Variants in SHB observed in about 807,000 individuals in gnomAD.
SHB encodes SH2 domain containing adaptor protein B, also known as SH2 domain-containing adapter protein B.
SHB carries 20 observed loss-of-function variants against 52.3 expected under a neutral mutation model. The ratio of observed to expected loss-of-function variants is 0.38; its 90% CI spans 0.27 to 0.56. The LOEUF (loss-of-function observed/expected upper bound fraction) is 0.56. Among genes scored for constraint, SHB ranks in the 20% least tolerant of loss-of-function variants. The pLI is 0.71. For synonymous variants in SHB, 397 were observed against 316.5 expected (o/e 1.25, Z -2.70); for missense variants, 825 against 723.3 (o/e 1.14, Z -1.61).
At chr9:38,043,535 A>G (rs1449167490) in intron 1 of SHB, among the ~76,000 whole-genome samples, 1 of 152,192 alleles carries the variant, frequency 6.6e-6, no homozygotes, top group African/African-American at 2.4e-5. Flanking sequence ...GTCTGGGAAC[A>G]TGGAGCTGGA....
At chr9:37,937,869 A>G (rs1367462965) in intron 5 of SHB, among the ~76,000 whole-genome samples, 1 of 152,158 alleles carries the variant, frequency 6.6e-6, no homozygotes, top group Non-Finnish European at 1.5e-5. Flanking sequence ...AGAGGACCTC[A>G]GGAAGGTCCT....
chr9:37,934,280 G>A (rs1832344522), intron 5 of SHB, among the ~76,000 whole-genome samples: 1 of 152,144 alleles, frequency 6.6e-6, no homozygotes, highest in African/African-American at 2.4e-5. Flanking sequence ...CACCCTAAAA[G>A]GTGCATGGGG....
chr9:37,994,844 A>G (rs1392450036), intron 2 of SHB, among the ~76,000 whole-genome samples: 1 of 152,164 alleles, frequency 6.6e-6, no homozygotes. Flanking sequence ...CTGCCCTTCA[A>G]TAGCATAAAC....
intron 1 of SHB, among the ~76,000 whole-genome samples, chr9:38,044,505 C>T (rs1265114321): frequency 6.6e-6 from 1 of 152,204 alleles, no homozygotes; most frequent in Non-Finnish European, 1.5e-5. Context: ...AAGTCCCCAG[C>T]TAAAAGCTCT....
intron 3 of SHB, among the ~76,000 whole-genome samples, chr9:37,964,556 T>G (rs1832728305): frequency 6.6e-6 from 1 of 152,122 alleles, no homozygotes; most frequent in Admixed American, 6.5e-5. Flanking sequence ...AAGCCATATT[T>G]ATTGTCATAA....
intron 1 of SHB, among the ~76,000 whole-genome samples, chr9:38,025,853 G>T (rs1400132493): frequency 2.0e-5 from 3 of 152,176 alleles, no homozygotes; most frequent in Non-Finnish European, 4.4e-5. Flanking sequence ...AGCCACCAGA[G>T]GCTCCAAGTA....
chr9:37,938,708 G>A (rs539252842), intron 5 of SHB, among the ~76,000 whole-genome samples: 124 of 152,288 alleles, frequency 8.1e-4, no homozygotes, highest in Middle Eastern at 3.4e-3. Flanking sequence ...AAGGAGCTCC[G>A]GTAAAACAAA....
intron 5 of SHB, among the ~76,000 whole-genome samples, chr9:37,923,802 C>T (rs971785400): frequency 2.0e-5 from 3 of 152,280 alleles, no homozygotes; most frequent in Admixed American, 6.5e-5. Flanking sequence ...CCTGGGGTAC[C>T]GTGGAGGAAA....
At chr9:37,982,418 AG>A (rs985004504) in intron 2 of SHB, among the ~76,000 whole-genome samples, 22 of 151,984 alleles carry the variant, frequency 1.4e-4, no homozygotes, top group Non-Finnish European at 2.8e-4. Context: ...GCTTGTACCC[AG>A]GGGGCGGAGG....
chr9:38,037,093 C>T (rs1342196273), intron 1 of SHB, among the ~76,000 whole-genome samples: 1 of 152,178 alleles, frequency 6.6e-6, no homozygotes, highest in Non-Finnish European at 1.5e-5. Context: ...TGTGTACTGC[C>T]CTGTAGACAG....
intron 4 of SHB, among the ~76,000 whole-genome samples, chr9:37,951,903 G>T (rs542905886): frequency 6.6e-6 from 1 of 152,236 alleles, no homozygotes; most frequent in South Asian, 2.1e-4. Flanking sequence ...GCGGTCCTGT[G>T]GGGGGCTACA....
intron 1 of SHB, among the ~76,000 whole-genome samples, chr9:38,062,964 T>A (rs73439936): frequency 6.6e-6 from 1 of 152,334 alleles, no homozygotes; most frequent in African/African-American, 2.4e-5. Context: ...ATTTGTTATG[T>A]AGCAACAGCT....
Position 38,068,505 on chromosome 9 carries a change from G to T in SHB, c.141C>A (p.Ala47=), listed in dbSNP as rs1380016265. The T allele has an allele frequency of 2.0e-6, 3 of 1,488,942 alleles. No homozygotes were observed. The highest frequency in any genetic ancestry group is 2.7e-6 in the Non-Finnish European group (3 of 1,126,412). 92.2% of individuals were successfully genotyped at this position (1,488,942 alleles called of 1,614,324 possible). A position where few individuals can be genotyped will look rare whatever the true frequency, so the allele number is the denominator to read the frequency against. The change falls in exon 1 of 6, where the codon GCC becomes GCA. Residue 47 remains alanine (A), a synonymous_variant. Coordinates refer to ENST00000377707, the MANE Select transcript of SHB (RefSeq NM_003028.3). ...PSQPPQAVPQ[A]SSAASASCGP... ...CGCAGGACGCCGAGGCGGCGGAGGAGGCCTGCGGCACGGCCTGGGGGGGCT... is the reference window on the plus strand; with the variant it reads ...CGCAGGACGCCGAGGCGGCGGAGGATGCCTGCGGCACGGCCTGGGGGGGCT...
At chr9:37,950,947 T>A (rs1335632743) in intron 4 of SHB, among the ~76,000 whole-genome samples, 1 of 152,226 alleles carries the variant, frequency 6.6e-6, no homozygotes. Flanking sequence ...TGCTGCCTCC[T>A]GGTGCCTGTC....
At chr9:37,954,196 G>A (rs1832602348) in intron 4 of SHB, among the ~76,000 whole-genome samples, 1 of 152,252 alleles carries the variant, frequency 6.6e-6, no homozygotes, top group African/African-American at 2.4e-5. Flanking sequence ...CCGGCTGGGA[G>A]CACTCACAAA....
At chr9:38,043,573 C>T (rs1474842057) in intron 1 of SHB, among the ~76,000 whole-genome samples, 2 of 152,096 alleles carry the variant, frequency 1.3e-5, no homozygotes, top group Non-Finnish European at 2.9e-5. Flanking sequence ...GTCAGTGGGG[C>T]TCCCCCTTCC....
At chr9:37,995,191 C>T (rs986227337) in intron 2 of SHB, among the ~76,000 whole-genome samples, 4 of 152,154 alleles carry the variant, frequency 2.6e-5, no homozygotes, top group Non-Finnish European at 5.9e-5. Context: ...CACAGACACG[C>T]ACTTCAGATT....
chr9:37,948,763 A>G lies in SHB; in HGVS notation c.1227-9T>C, dbSNP rs1371636687. ...TGGCTCCGTGATACCATCTGTGGAG[A>G]GGGCAGAGAGTGGTCAGAGCCCAGC... On this transcript the variant is annotated splice_polypyrimidine_tract_variant and intron_variant, in intron 4 of 5. Transcript: ENST00000377707. The G allele has an allele frequency of 6.2e-7, 1 of 1,613,388 alleles. No individual in the cohort carries two copies. The highest frequency in any genetic ancestry group is 1.7e-5 in the Admixed American group (1 of 60,012).
In SHB at chr9:37,955,995, G is replaced by A. The variant is rs758130484; in HGVS notation, c.1114C>T (p.Arg372Cys). 4.3e-5 allele frequency: 69 copies of A among 1,595,764 alleles called. No individual in the cohort carries two copies. Among genetic ancestry groups the A allele is most frequent in the African/African-American group, 1.1e-4 (8 of 74,820 alleles). Residue 372 changes from arginine (R) to cysteine (C), a missense_variant, in exon 4 of 6, where the codon CGC becomes TGC. Transcript: ENST00000377707. ...CCCCCTCCAGGGGCACGAAGCTGGC[G>A]CCGCCGGTCCCGCGAAGGTGAGGGG... ...SSPSPSRDRR[R>C]QLRAPGGGFK...
Sources: gnomAD v4.1 joint callset for allele counts (sites outside exome capture counted in the v4.1 genomes callset) on GRCh38, gnomAD v4.1.1 for gene constraint, MANE v1.5 for transcripts, NCBI Gene and HGNC (gene_info 2026-07-23, HGNC 2026-07-21) for gene names.